FHL1: variants seen among roughly 807,000 people sequenced by gnomAD.
The protein encoded by FHL1 is four and a half LIM domains protein 1.
In FHL1, 1 loss-of-function variant was observed where a neutral mutation model predicts 20.3. That is an observed-to-expected ratio of 0.05 (90% CI 0.02 to 0.23). The LOEUF (loss-of-function observed/expected upper bound fraction) is 0.23. FHL1 is among the 10% of genes least tolerant of loss of function. The pLI is 1.00. For missense variants in FHL1, 177 were observed against 234.0 expected, an observed-to-expected ratio of 0.76 and a Z score of 1.59; for synonymous variants, 82 against 88.9, an observed-to-expected ratio of 0.92 and a Z score of 0.44.
At chrX:136,155,852 C>T (rs1003125417) in intron 1 of FHL1, among the ~76,000 whole-genome samples, 8 of 107,624 alleles carry the variant, frequency 7.4e-5, no homozygotes, top group African/African-American at 1.4e-4. Flanking sequence ...TATCTCCTGT[C>T]GGCATTTTAC....
intron 1 of FHL1, among the ~76,000 whole-genome samples, chrX:136,197,714 A>G (rs1384954120): frequency 2.7e-5 from 3 of 112,713 alleles, no homozygotes; most frequent in Non-Finnish European, 5.6e-5. Flanking sequence ...ACTCCTTGGG[A>G]CATGAGCATT....
At chrX:136,149,405 C>T (rs1359238080) in intron 1 of FHL1, among the ~76,000 whole-genome samples, 2 of 112,360 alleles carry the variant, frequency 1.8e-5, no homozygotes, top group Non-Finnish European at 3.8e-5. Context: ...TTTTTGGTTA[C>T]ATAAGGTTCC....
At chrX:136,209,446 A>C (rs2073945829) in intron 5 of FHL1, 1 of 1,207,712 alleles carries the variant, frequency 8.3e-7, no homozygotes, top group Non-Finnish European at 1.1e-6. Flanking sequence ...AGGCCCGGTA[A>C]GTGCACACCC....
chrX:136,147,369 T>TG (rs1275553839), upstream of FHL1: 7 of 89,518 alleles, frequency 7.8e-5, no homozygotes, highest in African/African-American at 3.0e-4. Context: ...CTCCGTGCAG[T>TG]GGGCAGAGCC....
chrX:136,148,398 G>A (rs1369268589), intron 1 of FHL1: 1 of 96,014 alleles, frequency 1.0e-5, no homozygotes, highest in Admixed American at 1.1e-4. Flanking sequence ...GCGCGGGTTT[G>A]GCGAATGGGG....
upstream of FHL1, chrX:136,147,416 C>T (rs1347392353): frequency 1.0e-5 from 1 of 99,770 alleles, no homozygotes; most frequent in Non-Finnish European, 2.1e-5. Flanking sequence ...CCTGGCTAGC[C>T]GCGCCCGCCC....
At chrX:136,154,275 A>G (rs1924164977) in intron 1 of FHL1, among the ~76,000 whole-genome samples, 1 of 112,774 alleles carries the variant, frequency 8.9e-6, no homozygotes, top group Admixed American at 9.4e-5. Context: ...GCCAAGTATA[A>G]TAACTTGCTA....
intron 1 of FHL1, among the ~76,000 whole-genome samples, chrX:136,159,464 C>T (rs771343611): frequency 5.4e-5 from 6 of 111,856 alleles, no homozygotes; most frequent in Non-Finnish European, 7.5e-5. Flanking sequence ...ATCACTTAAA[C>T]GCGGGAGGCA....
At chrX:136,200,484 A>G (rs1210788892) in intron 1 of FHL1, among the ~76,000 whole-genome samples, 1 of 112,181 alleles carries the variant, frequency 8.9e-6, no homozygotes, top group Non-Finnish European at 1.9e-5. Flanking sequence ...GTCCTGAAAT[A>G]GGGTTGGTAT....
chrX:136,151,543 C>T (rs1019372369), intron 1 of FHL1, among the ~76,000 whole-genome samples: 2 of 111,685 alleles, frequency 1.8e-5, no homozygotes, highest in African/African-American at 6.5e-5. Context: ...AAAATCCTGT[C>T]TCTACTAAAA....
intron 1 of FHL1, chrX:136,148,012 G>A: frequency 1.2e-5 from 1 of 83,129 alleles, no homozygotes; most frequent in South Asian, 9.8e-4. Flanking sequence ...GGAGTGAGGA[G>A]GGAGTGAAGG....
At chrX:136,147,455 C>T (rs1375661374), upstream of FHL1, 1 of 104,168 alleles carries the variant, frequency 9.6e-6, no homozygotes, top group Non-Finnish European at 2.0e-5. Context: ...CCCTCTTTCC[C>T]TCCCCGCCTC....
At chrX:136,155,936 G>C (rs1380201954) in intron 1 of FHL1, among the ~76,000 whole-genome samples, 4 of 110,504 alleles carry the variant, frequency 3.6e-5, no homozygotes, top group Non-Finnish European at 7.6e-5. Flanking sequence ...AGACATAGTA[G>C]CTTTTCTTCC....
intron 1 of FHL1, among the ~76,000 whole-genome samples, chrX:136,200,502 A>G (rs1290490572): frequency 8.9e-6 from 1 of 112,174 alleles, no homozygotes; most frequent in African/African-American, 3.2e-5. Flanking sequence ...TATGGACAAA[A>G]TAGAGGCTCA....
chrX:136,162,122 CAA>C (rs745946778), intron 1 of FHL1, among the ~76,000 whole-genome samples: 7 of 48,929 alleles, frequency 1.4e-4, no homozygotes, highest in Admixed American at 6.1e-4. Flanking sequence ...GACCCTGTCT[CAA>C]AAAAAAAAAA....
At chrX:136,200,337 T>A (rs1226562342) in intron 1 of FHL1, among the ~76,000 whole-genome samples, 2 of 112,183 alleles carry the variant, frequency 1.8e-5, no homozygotes, top group Non-Finnish European at 3.8e-5. Context: ...AGGTTAGACT[T>A]CAGCACCTTA....
chrX:136,183,762 T>C (rs1338571426), intron 2 of FHL1, among the ~76,000 whole-genome samples: 2 of 111,634 alleles, frequency 1.8e-5, no homozygotes, highest in African/African-American at 6.5e-5. Flanking sequence ...TTATGGCTAG[T>C]CGGAAAGTGG....
chrX:136,146,728 G>T, upstream of FHL1: 1 of 326,629 alleles, frequency 3.1e-6, no homozygotes, highest in Non-Finnish European at 5.9e-6. Context: ...TATCACCAGA[G>T]CCCGGCACTG....
At chrX:136,147,041 G>A (rs764084466), upstream of FHL1, 8 of 274,554 alleles carry the variant, frequency 2.9e-5, no homozygotes, top group South Asian at 1.0e-4. Context: ...GAGGCGAGAC[G>A]CCACCCTCAC....
Sources: gnomAD v4.1 joint callset for allele counts (sites outside exome capture counted in the v4.1 genomes callset) on GRCh38, gnomAD v4.1.1 for gene constraint, MANE v1.5 for transcripts, NCBI Gene and HGNC (gene_info 2026-07-23, HGNC 2026-07-21) for gene names.